Variants in CFAP251 observed in about 807,000 individuals in gnomAD.
CFAP251 encodes cilia- and flagella-associated protein 251.
In CFAP251, 93 loss-of-function variants were observed where a neutral mutation model predicts 126.7. That is an observed-to-expected ratio of 0.73 (90% CI 0.62 to 0.87). CFAP251 has a LOEUF of 0.87. Ranked by LOEUF, CFAP251 falls within the 40% of genes least tolerant of loss-of-function variation. CFAP251 has a pLI of 0.00. For synonymous variants in CFAP251, 503 were observed against 506.9 expected, an observed-to-expected ratio of 0.99 and a Z score of 0.10; for missense variants, 1,287 against 1,389.2, an observed-to-expected ratio of 0.93 and a Z score of 1.17.
intron 19 of CFAP251, chr12:121,999,447 C>T (rs1197097946): frequency 1.3e-5 from 3 of 232,810 alleles, no homozygotes; most frequent in African/African-American, 6.8e-5. Context: ...ACGTTCTTGG[C>T]TCACTGTAAC....
intron 19 of CFAP251, chr12:121,997,133 T>C (rs1443955320): frequency 6.6e-6 from 1 of 152,108 alleles, no homozygotes; most frequent in Non-Finnish European, 1.5e-5. Flanking sequence ...ATGAACCACA[T>C]AGAGCAGTGA....
intron 2 of CFAP251, 49 bp from the exon 3 acceptor site, chr12:121,923,573 G>T: frequency 6.5e-7 from 1 of 1,546,136 alleles, no homozygotes. Flanking sequence ...GTGAATAAAT[G>T]GTGAGTAGCA....
chr12:121,984,315 A>T (rs534358692), intron 19 of CFAP251, among the ~76,000 whole-genome samples: 16 of 151,952 alleles, frequency 1.1e-4, no homozygotes, highest in South Asian at 4.2e-4. Context: ...TTATTTATTT[A>T]TTTTTTGAGA....
At position 121,987,037 on chromosome 12, in the gene CFAP251, G is replaced by A. The variant is rs1326683961; in HGVS notation, c.3006+11352G>A. Among the ~76,000 whole-genome samples, 14 of 152,328 alleles carry A rather than the reference G, an allele frequency of 9.2e-5. No individual in the cohort carries two copies. In the East Asian group the frequency reaches 2.7e-3, roughly 29 times the overall value. ...ATGGCTAAAGCAGGGTCCCAGCTGG[G>A]ATGGAGGTCTGTAGCCAAGTGGTTC... On this transcript the variant is annotated intron_variant, in intron 19 of 21. Coordinates refer to ENST00000288912, the MANE Select transcript of CFAP251 (RefSeq NM_144668.6).
chr12:121,993,069 A>G (rs934320627), intron 19 of CFAP251, among the ~76,000 whole-genome samples: 5 of 131,484 alleles, frequency 3.8e-5, no homozygotes, highest in Admixed American at 3.1e-4. Flanking sequence ...GCTCACTGCA[A>G]CCTCCCTGCC....
intron 3 of CFAP251, among the ~76,000 whole-genome samples, chr12:121,925,600 G>A (rs1198496672): frequency 6.6e-6 from 1 of 152,136 alleles, no homozygotes; most frequent in Non-Finnish European, 1.5e-5. Flanking sequence ...TGTTCACTCC[G>A]AGAGAAAGAA....
At chr12:121,963,146 C>T (rs1229161983) in intron 15 of CFAP251, among the ~76,000 whole-genome samples, 1 of 152,106 alleles carries the variant, frequency 6.6e-6, no homozygotes, top group Non-Finnish European at 1.5e-5. Context: ...AAGCAAGATT[C>T]GGGAAACTGG....
chr12:121,967,133 C>G lies in CFAP251; in HGVS notation c.2607+64C>G, dbSNP rs1882170517. 4 of 1,445,162 alleles carry G rather than the reference C, an allele frequency of 2.8e-6. No homozygotes were observed. In the African/African-American group the frequency reaches 5.6e-5, roughly 20 times the overall value. 89.5% of individuals were successfully genotyped at this position (1,445,162 alleles called of 1,614,324 possible). ...TGTGTGTCATGAGCAGCAGTCATTA[C>G]TGAAGATCACGAGACTCAGAGAGTT... On this transcript the variant is annotated intron_variant, in intron 16 of 21. Coordinates refer to ENST00000288912, the MANE Select transcript of CFAP251 (RefSeq NM_144668.6).
Position 122,003,872 on chromosome 12 carries a change from T to C in CFAP251, c.*108T>C, listed in dbSNP as rs1883199843. The C allele has an allele frequency of 3.9e-6, 3 of 761,554 alleles. No individual in the cohort carries two copies. The highest frequency in any genetic ancestry group is 2.8e-4 in the Middle Eastern group (1 of 3,616). The allele number at this position is 761,554 out of a possible 1,614,324, so 47.2% of individuals were successfully genotyped here. A position where few individuals can be genotyped will look rare whatever the true frequency, so the allele number is the denominator to read the frequency against. On this transcript the variant is annotated 3_prime_UTR_variant, in exon 22 of 22. Coordinates refer to ENST00000288912, the MANE Select transcript of CFAP251 (RefSeq NM_144668.6). The stretch of plus-strand genomic sequence containing the variant: ...TTATGCATTTCCCTCCCCCCTCTCA[T>C]CTTTAGAACATTTAGACATTAAAGC...
At position 121,975,335 on chromosome 12, in the gene CFAP251, G is replaced by A. The variant is rs1353824130; in HGVS notation, c.2862+1G>A. 1 of 1,613,682 alleles carries A rather than the reference G, an allele frequency of 6.2e-7. No homozygotes were observed. ...TGGCCGGGAAGGAAAATTCTACAGG[G>A]TAATTGTCCCTAGAGTAAACACCTC... is the stretch of plus-strand genomic sequence containing the variant. On this transcript the variant is annotated splice_donor_variant, in intron 18 of 21. Coordinates refer to ENST00000288912, the MANE Select transcript of CFAP251 (RefSeq NM_144668.6). LOFTEE classifies it high-confidence loss of function.
intron 17 of CFAP251, chr12:121,969,902 T>A: frequency 5.5e-5 from 54 of 985,418 alleles, no homozygotes; most frequent in Non-Finnish European, 6.5e-5. Context: ...GAGTCCAGGC[T>A]TCTGAGAATT....
intron 20 of CFAP251, among the ~76,000 whole-genome samples, chr12:122,000,967 G>A (rs1883133799): frequency 1.3e-5 from 2 of 151,622 alleles, no homozygotes. Context: ...GAGGCAGGAA[G>A]ATCACTTGAG....
intron 10 of CFAP251, chr12:121,955,880 C>G (rs1473838064): frequency 1.3e-5 from 2 of 152,106 alleles, no homozygotes; most frequent in African/African-American, 4.8e-5. Flanking sequence ...CAGTCAGGAC[C>G]TGGGAGTCCA....
At chr12:121,955,118 AC>A (rs34088554) in intron 10 of CFAP251, among the ~76,000 whole-genome samples, 1 of 152,090 alleles carries the variant, frequency 6.6e-6, no homozygotes, top group Non-Finnish European at 1.5e-5. Context: ...ACATGGTGAA[AC>A]CCTGTCTCTA....
At chr12:121,998,484 T>C (rs1253433420) in intron 19 of CFAP251, 1 of 97,142 alleles carries the variant, frequency 1.0e-5, no homozygotes, top group Non-Finnish European at 2.1e-5. Flanking sequence ...TATATATATA[T>C]ATATGATTGT....
rs971666349 is a variant in CFAP251 at position 121,960,842 on chromosome 12, G to A, written c.2307+84G>A. 9.5e-6 allele frequency: 14 copies of A among 1,468,630 alleles called. No homozygotes were observed. The African/African-American group carries it at 1.8e-4, about 19-fold the overall frequency. The allele number at this position is 1,468,630 out of a possible 1,614,324, so 91.0% of individuals were successfully genotyped here. A position where few individuals can be genotyped will look rare whatever the true frequency, so the allele number is the denominator to read the frequency against. The stretch of plus-strand genomic sequence containing the variant: ...TCCCTGGCATCTTGCATAGAGCCAG[G>A]CCCACAGTACGTGTGTTTGTTGGAG... On this transcript the variant is annotated intron_variant, in intron 14 of 21. Coordinates refer to ENST00000288912, the MANE Select transcript of CFAP251 (RefSeq NM_144668.6).
intron 2 of CFAP251, among the ~76,000 whole-genome samples, chr12:121,921,912 T>A (rs1039575517): frequency 5.6e-5 from 8 of 143,296 alleles, no homozygotes; most frequent in African/African-American, 2.1e-4. Flanking sequence ...CTCAGTCTCC[T>A]GAGTAGCTAA....
intron 21 of CFAP251, among the ~76,000 whole-genome samples, chr12:122,003,149 C>T (rs919649633): frequency 1.1e-4 from 17 of 152,106 alleles, no homozygotes; most frequent in African/African-American, 3.6e-4. Flanking sequence ...CGTTCTGTTC[C>T]GTAAAGGAGA....
chr12:121,997,772 T>A (rs1041946855), intron 19 of CFAP251: 1 of 151,162 alleles, frequency 6.6e-6, no homozygotes, highest in African/African-American at 2.4e-5. Flanking sequence ...TTTTTTTGAG[T>A]TAGAGTTTTG....
Sources: gnomAD v4.1 joint callset for allele counts (sites outside exome capture counted in the v4.1 genomes callset) on GRCh38, gnomAD v4.1.1 for gene constraint, MANE v1.5 for transcripts, NCBI Gene and HGNC (gene_info 2026-07-23, HGNC 2026-07-21) for gene names.